Variants in CSTPP1 observed in about 807,000 individuals in gnomAD.
CSTPP1 encodes the protein UPF0705 protein C11orf49.
chr11:46,965,399 A>G, the CSTPP1 span, among the ~76,000 whole-genome samples: 15 of 151,698 alleles, frequency 9.9e-5, no homozygotes, highest in African/African-American at 2.9e-4. Flanking sequence ...TAATTTTTGT[A>G]TTTTTAGTAG....
chr11:47,096,552 C>T, the CSTPP1 span, among the ~76,000 whole-genome samples: 239 of 152,300 alleles, frequency 1.6e-3, 9 homozygotes, highest in East Asian at 0.044. Context: ...AGGTCACATT[C>T]GGATTTACTG....
the CSTPP1 span, among the ~76,000 whole-genome samples, chr11:47,105,455 C>G: frequency 6.6e-6 from 1 of 152,064 alleles, no homozygotes; most frequent in Non-Finnish European, 1.5e-5. Context: ...GAGCCATGAT[C>G]ATACAACTGT....
At chr11:47,134,447 C>T in the CSTPP1 span, among the ~76,000 whole-genome samples, 1 of 152,156 alleles carries the variant, frequency 6.6e-6, no homozygotes, top group Non-Finnish European at 1.5e-5. Context: ...GCCTTGGCCT[C>T]GCAAAGTGCT....
the CSTPP1 span, among the ~76,000 whole-genome samples, chr11:47,031,634 C>T: frequency 6.6e-6 from 1 of 151,050 alleles, no homozygotes; most frequent in Non-Finnish European, 1.5e-5. Context: ...GAGTTTGAGG[C>T]TACAGTGAGC....
At chr11:47,051,359 T>G in the CSTPP1 span, among the ~76,000 whole-genome samples, 1 of 152,228 alleles carries the variant, frequency 6.6e-6, no homozygotes, top group African/African-American at 2.4e-5. Flanking sequence ...CTCTACAGCC[T>G]TTATTTCTTT....
chr11:47,038,254 G>T, the CSTPP1 span, among the ~76,000 whole-genome samples: 1 of 110,858 alleles, frequency 9.0e-6, no homozygotes, highest in African/African-American at 2.8e-5. Context: ...TCACTTCCCG[G>T]ATGGGGCGGC....
At chr11:46,974,680 AAAAAC>A in the CSTPP1 span, among the ~76,000 whole-genome samples, 184 of 151,716 alleles carry the variant, frequency 1.2e-3, no homozygotes, top group Non-Finnish European at 7.7e-4. Context: ...ATCTATACCA[AAAAAC>A]AAAACAAAAC....
chr11:47,060,033 G>C, the CSTPP1 span, among the ~76,000 whole-genome samples: 5 of 151,626 alleles, frequency 3.3e-5, no homozygotes, highest in Non-Finnish European at 7.4e-5. Context: ...GAGTCTGGGA[G>C]GTGGAGGTTG....
At chr11:46,969,892 G>A in the CSTPP1 span, among the ~76,000 whole-genome samples, 2 of 152,124 alleles carry the variant, frequency 1.3e-5, no homozygotes, top group African/African-American at 4.8e-5. Context: ...AGCCTCCCAA[G>A]TAGCAGGGAT....
the CSTPP1 span, among the ~76,000 whole-genome samples, chr11:46,977,356 T>C: frequency 6.6e-6 from 1 of 152,238 alleles, no homozygotes; most frequent in African/African-American, 2.4e-5. Flanking sequence ...TGCATGTCTC[T>C]CTTGTGATGT....
chr11:46,965,377 A>G, the CSTPP1 span, among the ~76,000 whole-genome samples: 1 of 151,880 alleles, frequency 6.6e-6, no homozygotes, highest in African/African-American at 2.4e-5. Flanking sequence ...GGCATGCACC[A>G]CCACGCCCAG....
At chr11:47,154,960 A>C in the CSTPP1 span, 1 of 595,634 alleles carries the variant, frequency 1.7e-6, no homozygotes, top group Non-Finnish European at 3.0e-6. Context: ...GTTTGGTGGC[A>C]GAGTCCAATT....
the CSTPP1 span, among the ~76,000 whole-genome samples, chr11:47,142,681 C>T: frequency 2.6e-5 from 4 of 152,256 alleles, no homozygotes; most frequent in Admixed American, 6.5e-5. Flanking sequence ...CTTAGCCCCC[C>T]GCAGCCACAG....
the CSTPP1 span, among the ~76,000 whole-genome samples, chr11:47,065,977 T>TGTGTGTGTGTG: frequency 6.8e-6 from 1 of 146,000 alleles, no homozygotes; most frequent in Admixed American, 6.8e-5. Flanking sequence ...GGTCTAACAG[T>TGTGTGTGTGTG]TGTGTGTGTG....
the CSTPP1 span, among the ~76,000 whole-genome samples, chr11:46,941,799 A>G: frequency 6.6e-6 from 1 of 152,214 alleles, no homozygotes; most frequent in Non-Finnish European, 1.5e-5. Context: ...CCTAAAGAAG[A>G]CTATACTTAT....
the CSTPP1 span, among the ~76,000 whole-genome samples, chr11:46,963,695 G>A: frequency 1.2e-4 from 18 of 150,694 alleles, no homozygotes; most frequent in Non-Finnish European, 2.4e-4. Flanking sequence ...TGAGGCATGA[G>A]AATCGTTTGA....
At chr11:46,983,017 T>C in the CSTPP1 span, among the ~76,000 whole-genome samples, 1 of 152,326 alleles carries the variant, frequency 6.6e-6, no homozygotes, top group Non-Finnish European at 1.5e-5. Flanking sequence ...CCAGGTTCAG[T>C]TGGCTCAAGA....
the CSTPP1 span, among the ~76,000 whole-genome samples, chr11:47,060,999 C>G: frequency 6.6e-6 from 1 of 152,154 alleles, no homozygotes. Context: ...TTTGCTGATT[C>G]ATTGTGTGAG....
the CSTPP1 span, among the ~76,000 whole-genome samples, chr11:47,046,613 T>G: frequency 6.6e-6 from 1 of 150,982 alleles, no homozygotes; most frequent in Non-Finnish European, 1.5e-5. Context: ...CCCAAAGCAA[T>G]CTACTGATTC....
Sources: gnomAD v4.1 joint callset for allele counts (sites outside exome capture counted in the v4.1 genomes callset) on GRCh38, gnomAD v4.1.1 for gene constraint, MANE v1.5 for transcripts, NCBI Gene and HGNC (gene_info 2026-07-23, HGNC 2026-07-21) for gene names.